The following PRKG1 variants were observed in gnomAD, a reference collection of about 807,000 sequenced individuals.
PRKG1 encodes protein kinase cGMP-dependent 1.
In PRKG1, 35 loss-of-function variants were observed where a neutral mutation model predicts 88.1. That is an observed-to-expected ratio of 0.40 (90% confidence interval 0.30 to 0.53). The LOEUF (loss-of-function observed/expected upper bound fraction) is 0.53. PRKG1 is among the 20% of genes least tolerant of loss of function. The pLI, the probability that PRKG1 is intolerant of heterozygous loss-of-function variation, is 0.59. For missense variants in PRKG1, 540 were observed against 839.8 expected (o/e 0.64, Z 4.41); for synonymous variants, 303 against 292.5 (o/e 1.04, Z -0.37).
At chr10:51,108,003 G>A (rs915682985) in intron 1 of PRKG1, among the ~76,000 whole-genome samples, 2 of 151,890 alleles carry the variant, frequency 1.3e-5, no homozygotes, top group Non-Finnish European at 2.9e-5. Context: ...ATTTACTTAC[G>A]TGAAATGGAC....
intron 2 of PRKG1, among the ~76,000 whole-genome samples, chr10:51,158,663 T>G (rs952170666): frequency 6.6e-6 from 1 of 152,012 alleles, no homozygotes; most frequent in South Asian, 2.1e-4. Context: ...TCCTTTTTTC[T>G]TATTGAAAGA....
chr10:51,273,287 G>T (rs560558560), intron 2 of PRKG1, among the ~76,000 whole-genome samples: 1 of 149,816 alleles, frequency 6.7e-6, no homozygotes, highest in Admixed American at 6.8e-5. Context: ...GAGGAAGGAG[G>T]ATTGCTGGAG....
At chr10:51,011,958 A>G (rs956495970) in intron 1 of PRKG1, among the ~76,000 whole-genome samples, 3 of 152,230 alleles carry the variant, frequency 2.0e-5, no homozygotes, top group Non-Finnish European at 4.4e-5. Flanking sequence ...CCATGGTGGC[A>G]GGCAAGAAGA....
At chr10:52,206,782 G>T (rs1299193110) in intron 9 of PRKG1, among the ~76,000 whole-genome samples, 4 of 152,190 alleles carry the variant, frequency 2.6e-5, no homozygotes, top group African/African-American at 9.7e-5. Context: ...TTAGGAACCT[G>T]CTGCACTGGA....
At chr10:51,358,934 TG>T (rs56324062) in intron 2 of PRKG1, among the ~76,000 whole-genome samples, 65,630 of 134,132 alleles carry the variant, frequency 0.49, 15,463 homozygotes, top group Middle Eastern at 0.63. Flanking sequence ...CGTTATTTAT[TG>T]GGGGGGGGGG....
intron 1 of PRKG1, among the ~76,000 whole-genome samples, chr10:51,080,737 C>G (rs553951780): frequency 2.4e-4 from 36 of 152,340 alleles, no homozygotes; most frequent in Middle Eastern, 3.4e-3. Flanking sequence ...TGAGCTGGTA[C>G]TGTTTGCCAC....
chr10:52,037,129 G>A (rs1466980536), intron 5 of PRKG1, among the ~76,000 whole-genome samples: 4 of 152,244 alleles, frequency 2.6e-5, no homozygotes, highest in Non-Finnish European at 4.4e-5. Flanking sequence ...TGAACAGTCC[G>A]ATTTTCAGTG....
At chr10:51,705,938 C>T (rs10999002) in intron 3 of PRKG1, among the ~76,000 whole-genome samples, 14,796 of 152,150 alleles carry the variant, frequency 0.097, 777 homozygotes, top group South Asian at 0.14. Flanking sequence ...ATAAGTAGTA[C>T]AGTAATCACA....
chr10:51,870,988 C>A (rs1841143145), intron 4 of PRKG1, among the ~76,000 whole-genome samples: 1 of 152,132 alleles, frequency 6.6e-6, no homozygotes, highest in African/African-American at 2.4e-5. Flanking sequence ...CTTTTCTATT[C>A]TTGGAGAAAA....
At chr10:51,835,083 C>T (rs533236124) in intron 4 of PRKG1, among the ~76,000 whole-genome samples, 1 of 152,166 alleles carries the variant, frequency 6.6e-6, no homozygotes, top group Non-Finnish European at 1.5e-5. Context: ...CAGATTAACA[C>T]CCTCAGATAG....
At chr10:51,932,158 A>T (rs2133006793) in intron 5 of PRKG1, among the ~76,000 whole-genome samples, 1 of 150,664 alleles carries the variant, frequency 6.6e-6, no homozygotes, top group Middle Eastern at 3.4e-3. Flanking sequence ...CTTATTTAAG[A>T]TATTCAGTAT....
chr10:51,100,605 A>G (rs1377000757), intron 1 of PRKG1, among the ~76,000 whole-genome samples: 1 of 152,186 alleles, frequency 6.6e-6, no homozygotes, highest in East Asian at 1.9e-4. Context: ...TATTTTTAAT[A>G]TATCTATCTT....
intron 2 of PRKG1, among the ~76,000 whole-genome samples, chr10:51,194,617 T>G (rs1329623867): frequency 6.6e-6 from 1 of 152,040 alleles, no homozygotes; most frequent in Non-Finnish European, 1.5e-5. Context: ...ATGAAAAAAT[T>G]TATTTGTGTT....
intron 4 of PRKG1, among the ~76,000 whole-genome samples, chr10:51,822,037 C>T (rs1839760935): frequency 6.6e-6 from 1 of 151,900 alleles, no homozygotes; most frequent in South Asian, 2.1e-4. Flanking sequence ...ATAGACAGGG[C>T]ATGGAATTAA....
chr10:52,069,485 A>G (rs561236875), intron 7 of PRKG1, among the ~76,000 whole-genome samples: 1 of 152,292 alleles, frequency 6.6e-6, no homozygotes, highest in South Asian at 2.1e-4. Flanking sequence ...GAATGAGATC[A>G]CACCACTCTC....
rs1837427016 is a variant in PRKG1 at position 51,741,286 on chromosome 10, G to A, written c.593-63299G>A. 2.6e-5 allele frequency among the ~76,000 whole-genome samples: 4 copies of A among 152,098 alleles called. No homozygotes were observed. The South Asian group carries it at 8.3e-4, about 32-fold the overall frequency. ...CTCAGTTTCAATTCATTACTATTGG[G>A]AGCTCTGCATTATCAAGTCTAGGAG... On this transcript the variant is annotated intron_variant, in intron 3 of 17. Transcript: ENST00000373980.
rs1374081559 is a variant in PRKG1 at position 51,609,234 on chromosome 10, A to G, written c.592+141398A>G. Among the ~76,000 whole-genome samples, 4 of 152,132 alleles carry G rather than the reference A, an allele frequency of 2.6e-5. No homozygotes were observed. The East Asian group carries it at 5.8e-4, about 22-fold the overall frequency. ...TAAGTGGACAGTGTTTAAAAAATCT[A>G]CTATATTCATGTCCTAGGCCTTCAC... On this transcript the variant is annotated intron_variant, in intron 3 of 17. Transcript: ENST00000373980.
At chr10:51,934,548 G>T (rs916872599) in intron 5 of PRKG1, among the ~76,000 whole-genome samples, 2 of 152,178 alleles carry the variant, frequency 1.3e-5, no homozygotes, top group Non-Finnish European at 2.9e-5. Context: ...TACATGTTCA[G>T]TGTAGGTCAG....
chr10:51,554,342 T>A (rs1314699403), intron 3 of PRKG1, among the ~76,000 whole-genome samples: 1 of 143,332 alleles, frequency 7.0e-6, no homozygotes, highest in Non-Finnish European at 1.5e-5. Context: ...ATATATTATA[T>A]ACACATATAT....
Sources: gnomAD v4.1 joint callset for allele counts (sites outside exome capture counted in the v4.1 genomes callset) on GRCh38, gnomAD v4.1.1 for gene constraint, MANE v1.5 for transcripts, NCBI Gene and HGNC (gene_info 2026-07-23, HGNC 2026-07-21) for gene names.